The following CNTNAP5 variants were observed in gnomAD, a reference collection of about 807,000 sequenced individuals.
CNTNAP5 encodes contactin-associated protein-like 5.
A neutral mutation model predicts 150.2 loss-of-function variants in CNTNAP5; 72 were observed. The observed-to-expected ratio is 0.48, with a 90% confidence interval of 0.40 to 0.58. The LOEUF is 0.58. CNTNAP5 is among the 20% of genes least tolerant of loss of function. The pLI, the probability that CNTNAP5 is intolerant of heterozygous loss-of-function variation, is 0.00. For synonymous variants in CNTNAP5, 672 were observed against 619.8 expected (o/e 1.08, Z -1.25); for missense variants, 1,636 against 1,626.2 (o/e 1.01, Z -0.10).
intron 5 of CNTNAP5, among the ~76,000 whole-genome samples, chr2:124,442,800 C>A (rs942294784): frequency 1.3e-5 from 2 of 151,852 alleles, no homozygotes; most frequent in East Asian, 3.9e-4. Flanking sequence ...GTATCACAGG[C>A]AAAATATAGG....
chr2:124,742,258 T>C (rs886529703), intron 13 of CNTNAP5, among the ~76,000 whole-genome samples: 5 of 152,198 alleles, frequency 3.3e-5, no homozygotes, highest in African/African-American at 1.2e-4. Context: ...TTAATTTGTT[T>C]GTCAAATACT....
chr2:124,052,414 C>A (rs1226507048), intron 1 of CNTNAP5, among the ~76,000 whole-genome samples: 1 of 152,090 alleles, frequency 6.6e-6, no homozygotes, highest in Non-Finnish European at 1.5e-5. Context: ...GGACACAGCA[C>A]CAGAGTTGAA....
chr2:124,618,875 T>A (rs769980869), intron 12 of CNTNAP5, among the ~76,000 whole-genome samples: 8 of 152,086 alleles, frequency 5.3e-5, no homozygotes, highest in Admixed American at 1.3e-4. Context: ...ACTTGTTAAA[T>A]CAATTTTAAC....
intron 7 of CNTNAP5, among the ~76,000 whole-genome samples, chr2:124,488,420 A>C (rs1693941971): frequency 6.6e-6 from 1 of 152,164 alleles, no homozygotes; most frequent in Non-Finnish European, 1.5e-5. Context: ...GGTAACATTA[A>C]AGTAACTTCC....
At chr2:124,580,220 A>G (rs1421907150) in intron 11 of CNTNAP5, among the ~76,000 whole-genome samples, 1 of 152,246 alleles carries the variant, frequency 6.6e-6, no homozygotes, top group Non-Finnish European at 1.5e-5. Flanking sequence ...AATTGAGAGG[A>G]TAACCAAAAG....
At chr2:124,765,343 C>A (rs1681046425) in intron 16 of CNTNAP5, among the ~76,000 whole-genome samples, 1 of 152,048 alleles carries the variant, frequency 6.6e-6, no homozygotes, top group South Asian at 2.1e-4. Context: ...TAGTAGGATG[C>A]AAATTTTGTC....
intron 19 of CNTNAP5, 149 bp from the exon 20 acceptor site, chr2:124,865,157 G>C: frequency 3.3e-6 from 2 of 600,374 alleles, no homozygotes; most frequent in Admixed American, 6.3e-5. Flanking sequence ...TAGGGACCCT[G>C]ATAAATATAC....
In CNTNAP5 at chr2:124,381,853, C is replaced by T. The variant is rs1439191241; in HGVS notation, c.382-35590C>T. Among the ~76,000 whole-genome samples the T allele has an allele frequency of 3.9e-5, 6 of 151,988 alleles. No homozygotes were observed. In the South Asian group the frequency reaches 6.2e-4, roughly 16 times the overall value. ...TGGTTGATGAAGAGAATGGGACACA[C>T]GACAGAGCCCTGGAGCCTCTAGCAA... On this transcript the variant is annotated intron_variant, in intron 3 of 23. Coordinates refer to ENST00000682447, the MANE Select transcript of CNTNAP5 (RefSeq NM_001367498.1).
chr2:124,703,861 C>G (rs1473587221), intron 13 of CNTNAP5, among the ~76,000 whole-genome samples: 1 of 151,954 alleles, frequency 6.6e-6, no homozygotes, highest in Non-Finnish European at 1.5e-5. Context: ...TGACATCAGC[C>G]AAGTCAGTGA....
intron 3 of CNTNAP5, among the ~76,000 whole-genome samples, chr2:124,372,050 A>G (rs991756635): frequency 3.3e-5 from 5 of 152,008 alleles, no homozygotes; most frequent in Admixed American, 1.3e-4. Flanking sequence ...CTAAACCTGG[A>G]TGGGCATCGT....
intron 6 of CNTNAP5, among the ~76,000 whole-genome samples, chr2:124,461,195 A>C (rs1031696239): frequency 9.2e-5 from 14 of 152,226 alleles, no homozygotes; most frequent in Non-Finnish European, 1.5e-4. Flanking sequence ...CCAAAAGACT[A>C]TAAATCATGC....
intron 17 of CNTNAP5, among the ~76,000 whole-genome samples, chr2:124,777,438 G>A (rs1032030999): frequency 4.6e-5 from 7 of 152,100 alleles, no homozygotes; most frequent in African/African-American, 1.7e-4. Flanking sequence ...GCAGTGGTAC[G>A]ATCTCAGGAT....
At chr2:124,078,608 A>AT (rs1168697416) in intron 1 of CNTNAP5, among the ~76,000 whole-genome samples, 1 of 152,162 alleles carries the variant, frequency 6.6e-6, no homozygotes, top group East Asian at 1.9e-4. Context: ...ACAATTTACA[A>AT]TTTTTGCCAG....
chr2:124,760,596 G>A (rs866871569), intron 14 of CNTNAP5, among the ~76,000 whole-genome samples: 10 of 151,918 alleles, frequency 6.6e-5, no homozygotes, highest in African/African-American at 1.2e-4. Flanking sequence ...TGCCACATGC[G>A]TTTTATTATT....
At chr2:124,337,391 G>A (rs563168653) in intron 3 of CNTNAP5, among the ~76,000 whole-genome samples, 3 of 152,130 alleles carry the variant, frequency 2.0e-5, no homozygotes, top group African/African-American at 7.2e-5. Context: ...GATCCCATTT[G>A]TCAATTTTGG....
In CNTNAP5 at chr2:124,914,131, T is replaced by C; in HGVS notation, c.3767T>C (p.Ile1256Thr). ...GTGATATTCATCATCTTCTGTATCATCGGCATCATGACCCGGTTCCTCTAC... is the reference window on the plus strand; with the variant it reads ...GTGATATTCATCATCTTCTGTATCACCGGCATCATGACCCGGTTCCTCTAC... ...AVVIFIIFCI[I>T]GIMTRFLYQH... Residue 1256 changes from isoleucine (I) to threonine (T), a missense_variant, in exon 24 of 24, where the codon ATC becomes ACC. Coordinates refer to ENST00000682447, the MANE Select transcript of CNTNAP5 (RefSeq NM_001367498.1). 6.2e-7 allele frequency: 1 copy of C among 1,612,594 alleles called. No individual in the cohort carries two copies. Among genetic ancestry groups the C allele is most frequent in the Non-Finnish European group, 8.5e-7 (1 of 1,178,986 alleles).
intron 16 of CNTNAP5, among the ~76,000 whole-genome samples, chr2:124,771,452 A>C (rs1000384878): frequency 2.6e-5 from 4 of 152,190 alleles, no homozygotes; most frequent in African/African-American, 9.7e-5. Flanking sequence ...AGATTCTGCT[A>C]ACCACTTAAG....
intron 21 of CNTNAP5, among the ~76,000 whole-genome samples, chr2:124,885,505 A>G (rs773322359): frequency 4.6e-5 from 7 of 151,448 alleles, no homozygotes; most frequent in African/African-American, 7.3e-5. Flanking sequence ...TATATCCACA[A>G]TATTTTGCAA....
chr2:124,825,685 G>A (rs965636253), intron 19 of CNTNAP5, among the ~76,000 whole-genome samples: 10 of 152,172 alleles, frequency 6.6e-5, no homozygotes, highest in African/African-American at 2.2e-4. Flanking sequence ...GGAAGGGGCT[G>A]CTGATCAAAA....
Sources: allele counts gnomAD v4.1 joint callset (sites outside exome capture counted in the v4.1 genomes callset), GRCh38; gene constraint gnomAD v4.1.1; transcripts MANE v1.5; gene names NCBI Gene and HGNC (gene_info 2026-07-23, HGNC 2026-07-21).